Variants in SLC25A13 observed in about 807,000 individuals in gnomAD.
The protein encoded by SLC25A13 is electrogenic aspartate/glutamate antiporter SLC25A13, mitochondrial.
A neutral mutation model predicts 85.5 loss-of-function variants in SLC25A13; 70 were observed. That is an observed-to-expected ratio of 0.82 (90% CI 0.68 to 1.00). The LOEUF (loss-of-function observed/expected upper bound fraction) is 1.00, where lower values mean the gene tolerates loss of function less well. SLC25A13 is among the 50% of genes least tolerant of loss of function. The pLI is 0.00. For missense variants in SLC25A13, 765 were observed against 819.8 expected, an observed-to-expected ratio of 0.93 and a Z score of 0.82; for synonymous variants, 259 against 288.7, an observed-to-expected ratio of 0.90 and a Z score of 1.04.
At chr7:96,287,655 C>T (rs748412262) in intron 2 of SLC25A13, among the ~76,000 whole-genome samples, 1 of 152,164 alleles carries the variant, frequency 6.6e-6, no homozygotes, top group Non-Finnish European at 1.5e-5. Context: ...GTGGCCTCCT[C>T]GAAAGGTGGA....
intron 1 of SLC25A13, among the ~76,000 whole-genome samples, chr7:96,301,337 C>A (rs1294767419): frequency 6.6e-6 from 1 of 152,160 alleles, no homozygotes; most frequent in Non-Finnish European, 1.5e-5. Flanking sequence ...ATATTAATAG[C>A]ATGCAAATAT....
intron 15 of SLC25A13, among the ~76,000 whole-genome samples, chr7:96,123,914 T>C (rs1749504850): frequency 6.6e-6 from 1 of 152,156 alleles, no homozygotes. Flanking sequence ...CCAATGCTGA[T>C]CAAGTGGTCT....
intron 11 of SLC25A13, among the ~76,000 whole-genome samples, chr7:96,177,207 A>G (rs1381067615): frequency 6.6e-6 from 1 of 152,222 alleles, no homozygotes; most frequent in Admixed American, 6.5e-5. Flanking sequence ...TGCTGTGCCC[A>G]TGACATTATG....
rs143850675 is a variant in SLC25A13, at chr7:96,295,009, C to G, written c.69+1889G>C. ...ATAACACATATCAGATGCAGGACAC[C>G]TTTCATATAAGTTACCTCACTGAAT... On this transcript the variant is annotated intron_variant, in intron 2 of 17. Coordinates refer to ENST00000265631, the MANE Select transcript of SLC25A13 (RefSeq NM_014251.3). Among the ~76,000 whole-genome samples, 3 of 152,152 alleles carry G rather than the reference C, an allele frequency of 2.0e-5. No homozygotes were observed. The East Asian group carries it at 5.8e-4, about 29-fold the overall frequency.
At chr7:96,313,425 T>C (rs1800015424) in intron 1 of SLC25A13, among the ~76,000 whole-genome samples, 1 of 152,198 alleles carries the variant, frequency 6.6e-6, no homozygotes, top group Admixed American at 6.5e-5. Flanking sequence ...TGGAATACCT[T>C]GCAGATATAA....
chr7:96,142,809 T>C (rs1282014495), intron 14 of SLC25A13, among the ~76,000 whole-genome samples: 1 of 152,206 alleles, frequency 6.6e-6, no homozygotes, highest in African/African-American at 2.4e-5. Context: ...TTGAGATAAC[T>C]GGCAGAATAA....
At chr7:96,193,208 T>C (rs1794929637) in intron 5 of SLC25A13, 25 bp from the exon 6 acceptor site, 2 of 1,612,646 alleles carry the variant, frequency 1.2e-6, no homozygotes, top group East Asian at 4.5e-5. Flanking sequence ...AGTAAAATAC[T>C]TAATTTATGC....
chr7:96,244,290 A>G (rs554060389), intron 3 of SLC25A13, among the ~76,000 whole-genome samples: 1 of 152,276 alleles, frequency 6.6e-6, no homozygotes, highest in African/African-American at 2.4e-5. Context: ...TATGGAAACT[A>G]CCAGTTAGGC....
chr7:96,313,458 G>GC (rs1800017558), intron 1 of SLC25A13, among the ~76,000 whole-genome samples: 1 of 152,210 alleles, frequency 6.6e-6, no homozygotes, highest in Non-Finnish European at 1.5e-5. Context: ...CATGTCCTTT[G>GC]CAACAACATG....
intron 11 of SLC25A13, among the ~76,000 whole-genome samples, chr7:96,181,391 G>C (rs914530981): frequency 6.6e-6 from 1 of 152,162 alleles, no homozygotes; most frequent in Non-Finnish European, 1.5e-5. Flanking sequence ...AGCCAGCTGC[G>C]GGGGAGGCAA....
chr7:96,272,811 T>C (rs941233883), intron 3 of SLC25A13, among the ~76,000 whole-genome samples: 2 of 152,222 alleles, frequency 1.3e-5, no homozygotes, highest in Non-Finnish European at 2.9e-5. Context: ...TACCAAGGAA[T>C]GTTGGACAAT....
intron 3 of SLC25A13, among the ~76,000 whole-genome samples, chr7:96,245,890 T>A (rs1446827938): frequency 1.3e-5 from 2 of 152,234 alleles, no homozygotes; most frequent in East Asian, 1.9e-4. Flanking sequence ...GTTTCCTAAA[T>A]CTTTCTTTGT....
chr7:96,234,703 G>A (rs1307548852), intron 4 of SLC25A13, 99 bp downstream of exon 4: 73 of 881,198 alleles, frequency 8.3e-5, no homozygotes, highest in Non-Finnish European at 1.6e-5. Context: ...CTTCTATAAA[G>A]AATTTCCATA....
At chr7:96,140,832 G>A (rs1348318940) in intron 14 of SLC25A13, among the ~76,000 whole-genome samples, 4 of 149,716 alleles carry the variant, frequency 2.7e-5, no homozygotes, top group African/African-American at 9.9e-5. Context: ...GCATTTCCCT[G>A]ATGATTAGTG....
At chr7:96,313,193 T>C (rs889759811) in intron 1 of SLC25A13, among the ~76,000 whole-genome samples, 1 of 152,018 alleles carries the variant, frequency 6.6e-6, no homozygotes, top group Non-Finnish European at 1.5e-5. Context: ...TGAGGAGTGT[T>C]AAGGAGCCAA....
At chr7:96,153,844 A>G (rs971291015) in intron 13 of SLC25A13, among the ~76,000 whole-genome samples, 1 of 152,220 alleles carries the variant, frequency 6.6e-6, no homozygotes, top group East Asian at 1.9e-4. Flanking sequence ...GAAATCTTAC[A>G]TATTTTTATT....
At chr7:96,258,020 C>A (rs565191263) in intron 3 of SLC25A13, among the ~76,000 whole-genome samples, 3 of 152,158 alleles carry the variant, frequency 2.0e-5, no homozygotes, top group Non-Finnish European at 2.9e-5. Flanking sequence ...TTCAACATCC[C>A]TTCATGGTAA....
chr7:96,263,025 GGA>G (rs1797915341), intron 3 of SLC25A13, among the ~76,000 whole-genome samples: 1 of 27,198 alleles, frequency 3.7e-5, no homozygotes. Flanking sequence ...CAACCATCTA[GGA>G]AAAAAAAAAA....
chr7:96,249,981 C>T (rs1158815918), intron 3 of SLC25A13, among the ~76,000 whole-genome samples: 3 of 151,310 alleles, frequency 2.0e-5, no homozygotes, highest in South Asian at 2.1e-4. Flanking sequence ...ATCAGGAGTT[C>T]GAGACTAACC....
Sources: allele counts gnomAD v4.1 joint callset (sites outside exome capture counted in the v4.1 genomes callset), GRCh38; gene constraint gnomAD v4.1.1; transcripts MANE v1.5; gene names NCBI Gene and HGNC (gene_info 2026-07-23, HGNC 2026-07-21).